The following EYS variants were observed in gnomAD, a reference collection of about 807,000 sequenced individuals.
EYS encodes protein eyes shut homolog.
A neutral mutation model predicts 282.1 loss-of-function variants in EYS; 250 were observed. The ratio of observed to expected loss-of-function variants is 0.89; its 90% CI spans 0.80 to 0.98. The LOEUF (loss-of-function observed/expected upper bound fraction) is 0.98. Ranked by LOEUF, EYS falls within the 50% of genes least tolerant of loss-of-function variation. EYS has a pLI of 0.00. For missense variants in EYS, 4,016 were observed against 3,709.0 expected (o/e 1.08, Z -2.15); for synonymous variants, 1,355 against 1,282.9 (o/e 1.06, Z -1.20).
chr6:64,468,930 T>G (rs758213981), intron 26 of EYS, among the ~76,000 whole-genome samples: 8 of 152,232 alleles, frequency 5.3e-5, no homozygotes, highest in Non-Finnish European at 8.8e-5. Flanking sequence ...TTATTCTATG[T>G]CTTTGCTATT....
chr6:65,464,473 T>C (rs9363371), intron 5 of EYS, among the ~76,000 whole-genome samples: 28,384 of 152,144 alleles, frequency 0.19, 3,277 homozygotes, highest in Middle Eastern at 0.3. Context: ...AGACTAAAGT[T>C]TGTAATACAA....
intron 31 of EYS, among the ~76,000 whole-genome samples, chr6:64,216,278 C>G (rs559457736): frequency 6.6e-6 from 1 of 152,184 alleles, no homozygotes; most frequent in South Asian, 2.1e-4. Flanking sequence ...AAGAGACAAA[C>G]AAAGTCTCTA....
intron 2 of EYS, among the ~76,000 whole-genome samples, chr6:65,565,931 C>T (rs1348367125): frequency 6.6e-6 from 1 of 151,860 alleles, no homozygotes; most frequent in Non-Finnish European, 1.5e-5. Flanking sequence ...GGGAACATCA[C>T]ACACCAGGGC....
intron 30 of EYS, among the ~76,000 whole-genome samples, chr6:64,244,507 G>A (rs1345375981): frequency 6.6e-6 from 1 of 152,084 alleles, no homozygotes; most frequent in Non-Finnish European, 1.5e-5. Flanking sequence ...TATTCATCTA[G>A]GTTAGGTTGT....
intron 35 of EYS, among the ~76,000 whole-genome samples, chr6:63,902,158 T>C (rs1048945908): frequency 1.3e-5 from 2 of 152,142 alleles, no homozygotes; most frequent in Non-Finnish European, 2.9e-5. Flanking sequence ...CCTCCCAAAG[T>C]GCTGGGATTA....
intron 29 of EYS, among the ~76,000 whole-genome samples, chr6:64,320,094 T>C (rs1770154891): frequency 6.6e-6 from 1 of 152,034 alleles, no homozygotes; most frequent in Non-Finnish European, 1.5e-5. Flanking sequence ...TTGAAGGGTT[T>C]TTTTGTTTTT....
rs67505285 is a variant in EYS, at chr6:65,120,460, C to CAAAAAAAAAAAAAAAAAAAAAAAAAAAA, written c.2024-62734_2024-62733insTTTTTTTTTTTTTTTTTTTTTTTTTTTT. ...ACATTACTCTTTTTCTTTAAATAAG[C>CAAAAAAAAAAAAAAAAAAAAAAAAAAAA]AAAAAAAAAAAAAAAAAAAAAAAAT... On this transcript the variant is annotated intron_variant, in intron 12 of 42. Coordinates refer to ENST00000503581, the MANE Select transcript of EYS (RefSeq NM_001142800.2). Among the ~76,000 whole-genome samples, 93 of 68,256 alleles carry CAAAAAAAAAAAAAAAAAAAAAAAAAAAA rather than the reference C, an allele frequency of 1.4e-3. 6 individuals carry two copies. The highest frequency in any genetic ancestry group is 1.8e-3 in the Admixed American group (10 of 5,498). The allele number at this position is 68,256 out of a possible 152,430, so 44.8% of individuals were successfully genotyped here.
intron 1 of EYS, among the ~76,000 whole-genome samples, chr6:65,658,792 T>C (rs1277791247): frequency 6.6e-6 from 1 of 151,750 alleles, no homozygotes; most frequent in Non-Finnish European, 1.5e-5. Flanking sequence ...ATTCCAACAC[T>C]AACCCAACTC....
chr6:64,256,276 A>AC (rs1767398261), intron 30 of EYS, among the ~76,000 whole-genome samples: 2 of 152,076 alleles, frequency 1.3e-5, no homozygotes, highest in African/African-American at 4.8e-5. Flanking sequence ...TTTAAATCTT[A>AC]CATGGTAGTC....
chr6:64,490,297 C>T (rs1776698901), intron 26 of EYS, among the ~76,000 whole-genome samples: 1 of 150,714 alleles, frequency 6.6e-6, no homozygotes. Context: ...AAGCACAATA[C>T]CATATGTTTT....
intron 40 of EYS, among the ~76,000 whole-genome samples, chr6:63,776,350 T>C (rs1033397852): frequency 2.6e-5 from 4 of 152,180 alleles, no homozygotes; most frequent in African/African-American, 9.7e-5. Flanking sequence ...TTTCTTGCTA[T>C]TTAGATTCTG....
At chr6:64,517,681 C>T (rs1005206957) in intron 26 of EYS, among the ~76,000 whole-genome samples, 4 of 151,700 alleles carry the variant, frequency 2.6e-5, no homozygotes, top group African/African-American at 9.7e-5. Context: ...ATGTGAAAGC[C>T]TCTGATTAAT....
intron 19 of EYS, among the ~76,000 whole-genome samples, chr6:64,870,731 G>GAGAT (rs1766570936): frequency 6.6e-6 from 1 of 151,762 alleles, no homozygotes; most frequent in African/African-American, 2.4e-5. Context: ...TATGAGTAAA[G>GAGAT]AGATAGCCTA....
chr6:64,795,421 G>A (rs908404104), intron 22 of EYS, among the ~76,000 whole-genome samples: 1 of 152,066 alleles, frequency 6.6e-6, no homozygotes, highest in Non-Finnish European at 1.5e-5. Flanking sequence ...TTCTTGGTTG[G>A]ACAAATATCT....
chr6:65,090,261 G>A (rs748194511), intron 12 of EYS, among the ~76,000 whole-genome samples: 2 of 152,094 alleles, frequency 1.3e-5, no homozygotes, highest in African/African-American at 2.4e-5. Context: ...TGAGTCTCAT[G>A]AGATATGATG....
Position 65,039,939 on chromosome 6 carries a change from T to C in EYS, c.2137+17675A>G, listed in dbSNP as rs1380106642. 2.0e-5 allele frequency among the ~76,000 whole-genome samples: 3 copies of C among 151,698 alleles called. No homozygotes were observed. In the East Asian group the frequency reaches 5.8e-4, roughly 29 times the overall value. ...CTCATTTTTGAATCTGGATGGACTC[T>C]GAAATGTTTGCACGATAGAATCTTG... On this transcript the variant is annotated intron_variant, in intron 13 of 42. Transcript: ENST00000503581.
intron 33 of EYS, among the ~76,000 whole-genome samples, chr6:64,026,694 T>G (rs1312606961): frequency 1.3e-5 from 2 of 152,120 alleles, no homozygotes; most frequent in Non-Finnish European, 2.9e-5. Flanking sequence ...CCATATCCTA[T>G]CCTCCTATAG....
At chr6:64,336,516 C>A (rs1415358967) in intron 29 of EYS, among the ~76,000 whole-genome samples, 1 of 152,076 alleles carries the variant, frequency 6.6e-6, no homozygotes, top group East Asian at 1.9e-4. Context: ...GACAGCAACA[C>A]AATAATTGTG....
At chr6:64,713,185 T>C (rs2149936091) in intron 22 of EYS, 1 of 152,320 alleles carries the variant, frequency 6.6e-6, no homozygotes, top group African/African-American at 2.4e-5. Flanking sequence ...CAATAAATAT[T>C]CCTTCAAACA....
Sources: gnomAD v4.1 joint callset for allele counts (sites outside exome capture counted in the v4.1 genomes callset) on GRCh38, gnomAD v4.1.1 for gene constraint, MANE v1.5 for transcripts, NCBI Gene and HGNC (gene_info 2026-07-23, HGNC 2026-07-21) for gene names.